Variants in PAK3 observed in about 807,000 individuals in gnomAD.
PAK3 encodes serine/threonine-protein kinase PAK 3.
PAK3 carries 4 observed loss-of-function variants against 41.0 expected under a neutral mutation model. That is an observed-to-expected ratio of 0.10 (90% CI 0.05 to 0.22). PAK3 has a LOEUF of 0.22. Ranked by LOEUF, PAK3 falls within the 10% of genes least tolerant of loss-of-function variation. PAK3 has a pLI of 1.00. For missense variants in PAK3, 205 were observed against 409.9 expected (o/e 0.50, Z 4.32); for synonymous variants, 146 against 139.6 (o/e 1.05, Z -0.32).
At chrX:110,993,806 G>A (rs2091693988) in intron 1 of PAK3, among the ~76,000 whole-genome samples, 1 of 111,567 alleles carries the variant, frequency 9.0e-6, no homozygotes, top group Admixed American at 9.5e-5. Flanking sequence ...AAGGTCAACA[G>A]CATACATAAG....
At chrX:111,183,912 C>T (rs1346470111) in intron 11 of PAK3, among the ~76,000 whole-genome samples, 1 of 111,197 alleles carries the variant, frequency 9.0e-6, no homozygotes, top group Non-Finnish European at 1.9e-5. Flanking sequence ...GATGATGGGT[C>T]CCAATGGTTG....
At chrX:111,068,702 T>G (rs1344495936) in intron 1 of PAK3, among the ~76,000 whole-genome samples, 2 of 112,544 alleles carry the variant, frequency 1.8e-5, no homozygotes, top group Non-Finnish European at 3.8e-5. Flanking sequence ...ATATGTGAAT[T>G]TAAGGCCATG....
intron 1 of PAK3, among the ~76,000 whole-genome samples, chrX:110,960,304 A>G (rs1236162451): frequency 8.9e-6 from 1 of 112,365 alleles, no homozygotes; most frequent in Admixed American, 9.4e-5. Context: ...AGGCAAATAA[A>G]TGTTAATAAG....
At chrX:111,070,263 ATTTG>A (rs2092733441) in intron 1 of PAK3, among the ~76,000 whole-genome samples, 1 of 105,727 alleles carries the variant, frequency 9.5e-6, no homozygotes, top group Non-Finnish European at 1.9e-5. Flanking sequence ...CAACAGCTGA[ATTTG>A]ATCATTTATA....
intron 1 of PAK3, among the ~76,000 whole-genome samples, chrX:111,065,977 GT>G (rs2092699040): frequency 9.0e-6 from 1 of 111,599 alleles, no homozygotes; most frequent in South Asian, 3.7e-4. Flanking sequence ...GTGTATTGAC[GT>G]TGTTTATTCT....
At chrX:111,146,667 G>T in intron 6 of PAK3, 1 of 447,967 alleles carries the variant, frequency 2.2e-6, no homozygotes, top group Non-Finnish European at 3.6e-6. Flanking sequence ...TTGTTGCTTG[G>T]CTTATCTCAC....
intron 1 of PAK3, among the ~76,000 whole-genome samples, chrX:111,041,184 G>A (rs1026472606): frequency 1.8e-5 from 2 of 112,960 alleles, no homozygotes; most frequent in African/African-American, 6.4e-5. Flanking sequence ...TGAAGCAATG[G>A]TTTCTATGGC....
At chrX:111,096,726 C>T (rs2092994179) in intron 1 of PAK3, 1 of 110,108 alleles carries the variant, frequency 9.1e-6, no homozygotes, top group East Asian at 2.9e-4. Context: ...GCCTTGAAAG[C>T]TACGTCAGCC....
At chrX:111,117,500 G>A (rs1260961358) in intron 4 of PAK3, among the ~76,000 whole-genome samples, 1 of 111,833 alleles carries the variant, frequency 8.9e-6, no homozygotes, top group East Asian at 2.8e-4. Flanking sequence ...AAGCCCTTTG[G>A]ACATTACAAA....
chrX:111,082,952 A>C lies in PAK3; in HGVS notation c.-27-40125A>C, dbSNP rs2092847181. Among the ~76,000 whole-genome samples, 3 of 112,287 alleles carry C rather than the reference A, an allele frequency of 2.7e-5. No homozygotes were observed. The South Asian group carries it at 1.1e-3, about 42-fold the overall frequency. On this transcript the variant is annotated intron_variant, in intron 1 of 14. Transcript: ENST00000425146. ...CACACAATAGATGTTCGAAAATAAA[A>C]GGTTGTTCATTGCATGAGACATGTT...
intron 1 of PAK3, among the ~76,000 whole-genome samples, chrX:111,037,780 CTTCATT>C (rs1321007484): frequency 9.0e-6 from 1 of 111,528 alleles, no homozygotes; most frequent in Non-Finnish European, 1.9e-5. Flanking sequence ...CTCTTGAACT[CTTCATT>C]TTCAATATTT....
intron 1 of PAK3, among the ~76,000 whole-genome samples, chrX:111,019,551 G>C (rs1170340436): frequency 1.0e-5 from 1 of 96,329 alleles, no homozygotes; most frequent in Non-Finnish European, 2.1e-5. Flanking sequence ...AAAAAAATTA[G>C]CCTGGCATGT....
chrX:111,201,584 A>G (rs749131739), intron 16 of PAK3, among the ~76,000 whole-genome samples: 17 of 111,471 alleles, frequency 1.5e-4, no homozygotes, highest in Non-Finnish European at 2.8e-4. Flanking sequence ...AAGACAGAGT[A>G]GTAGAGTACA....
intron 1 of PAK3, among the ~76,000 whole-genome samples, chrX:111,087,174 AG>A (rs1216709302): frequency 9.5e-6 from 1 of 105,804 alleles, no homozygotes; most frequent in African/African-American, 3.5e-5. Flanking sequence ...TGTGTGTGGC[AG>A]GGTTTGCTGT....
rs1556424087 is a variant in PAK3, at chrX:110,991,137, A to AAG, written c.-28+46510_-28+46511insGA. Among the ~76,000 whole-genome samples, 4 of 16,062 alleles carry AAG rather than the reference A, an allele frequency of 2.5e-4. No homozygotes were observed. The Non-Finnish European group carries it at 0.029, about 116-fold the overall frequency. The allele number at this position is 16,062 out of a possible 115,157, so 13.9% of individuals were successfully genotyped here. On this transcript the variant is annotated intron_variant, in intron 1 of 14. Transcript: ENST00000425146. ...GCAGAGCCAGACCCTGTCTCAAAAA[A>AAG]AAAAAGAAAAGAAAAAGAAAACAAA...
chrX:111,008,602 G>A (rs2091967663), intron 1 of PAK3, among the ~76,000 whole-genome samples: 1 of 112,437 alleles, frequency 8.9e-6, no homozygotes. Flanking sequence ...AAGCATCACT[G>A]CCTGGGTTCA....
chrX:111,202,563 T>C (rs2094695886), intron 16 of PAK3, among the ~76,000 whole-genome samples: 1 of 112,206 alleles, frequency 8.9e-6, no homozygotes. Flanking sequence ...ATGTTACTGT[T>C]GCTGATATCA....
chrX:110,993,143 T>A (rs987799714), intron 1 of PAK3, among the ~76,000 whole-genome samples: 1 of 111,913 alleles, frequency 8.9e-6, no homozygotes, highest in Non-Finnish European at 1.9e-5. Flanking sequence ...ACTTTGATTA[T>A]GCAATCTAAA....
At chrX:111,162,142 C>G (rs756213105) in intron 8 of PAK3, among the ~76,000 whole-genome samples, 54 of 111,688 alleles carry the variant, frequency 4.8e-4, no homozygotes, top group African/African-American at 1.8e-3. Flanking sequence ...ATCTGGGAAC[C>G]ACACTTTGAG....
Sources: allele counts gnomAD v4.1 joint callset (sites outside exome capture counted in the v4.1 genomes callset), GRCh38; gene constraint gnomAD v4.1.1; transcripts MANE v1.5; gene names NCBI Gene and HGNC (gene_info 2026-07-23, HGNC 2026-07-21).